The following ZNF497 variants were observed in gnomAD, a reference collection of about 807,000 sequenced individuals.
The protein encoded by ZNF497 is zinc finger-like protein.
For synonymous variants in ZNF497, 422 were observed against 313.7 expected (o/e 1.35, Z -3.65); for missense variants, 930 against 714.0 (o/e 1.30, Z -3.45).
At chr19:58,359,519 TC>T (rs1319113882) in intron 1 of ZNF497, 1 of 452,636 alleles carries the variant, frequency 2.2e-6, no homozygotes, top group Non-Finnish European at 4.5e-6. Flanking sequence ...TACCATCCCT[TC>T]CCCCCGCCTC....
At chr19:58,358,355 G>C (rs777475695) in intron 2 of ZNF497, 134 bp downstream of exon 2, 2 of 1,226,264 alleles carry the variant, frequency 1.6e-6, no homozygotes, top group African/African-American at 3.1e-5. Flanking sequence ...CTGTCCAGCC[G>C]ATCCTTCCCA....
chr19:58,357,977 C>A, intron 2 of ZNF497: 1 of 1,281,854 alleles, frequency 7.8e-7, no homozygotes, highest in South Asian at 1.6e-5. Context: ...TGTGGCACCA[C>A]TCTCCTCTCC....
rs1056224460 is a variant in ZNF497, at chr19:58,359,225, TG to T, written c.-111-641del. On this transcript the variant is annotated intron_variant, in intron 1 of 2. Transcript: ENST00000311044. The stretch of plus-strand genomic sequence containing the variant: ...CAGTTCCAGTGGACTCGGGAAGACC[TG>T]GGGGGCCAGGGCTGATGCCTCACTC... 1.5e-6 allele frequency: 2 copies of T among 1,290,612 alleles called. 1 individual carries two copies. Among genetic ancestry groups the T allele is most frequent in the South Asian group, 2.5e-5 (2 of 81,038 alleles). The allele number at this position is 1,290,612 out of a possible 1,614,324, so 79.9% of individuals were successfully genotyped here.
Position 58,356,533 on chromosome 19 carries a change from C to T in ZNF497, c.1103G>A (p.Ser368Asn). ...HACAQCGKAF[S>N]QRSNLLSHRR... ...GTGGCTCAGTAGGTTGGAGCGCTGGCTGAAGGCCTTGCCGCACTGGGCGCA... is the reference window on the plus strand; with the variant it reads ...GTGGCTCAGTAGGTTGGAGCGCTGGTTGAAGGCCTTGCCGCACTGGGCGCA... The change falls in exon 3 of 3, where the codon AGC becomes AAC. Residue 368 changes from serine to asparagine, a missense_variant. Physicochemically the swap from Ser to Asn is conservative, Grantham distance 46. Transcript: ENST00000311044. 1.3e-6 allele frequency: 2 copies of T among 1,549,756 alleles called. No homozygotes were observed. The highest frequency in any genetic ancestry group is 2.4e-5 in the East Asian group (1 of 41,474).
At chr19:58,359,425 C>T (rs371279629) in intron 1 of ZNF497, 141 of 476,368 alleles carry the variant, frequency 3.0e-4, no homozygotes, top group East Asian at 1.5e-3. Flanking sequence ...GGGGTATCGG[C>T]GTTTCTGGCC....
intron 2 of ZNF497, chr19:58,358,175 T>C: frequency 2.3e-6 from 3 of 1,289,934 alleles, no homozygotes; most frequent in Non-Finnish European, 3.0e-6. Flanking sequence ...ATGGGCAGCA[T>C]GTCCAGGCTG....
chr19:58,357,243 C>G lies in ZNF497; in HGVS notation c.393G>C (p.Glu131Asp). Reference protein sequence around the residue: ...LLQHRRVHTGEKPYTCPECGK... With the variant: ...LLQHRRVHTGDKPYTCPECGK... ...CGCACTCGGGGCACGTGTACGGCTT[C>G]TCGCCTGTGTGCACGCGCCGATGCT... The change falls in exon 3 of 3, where the codon GAG (glutamate) becomes GAC (aspartate). Residue 131 changes from glutamate to aspartate, a missense_variant. Physicochemically the swap from Glu to Asp is conservative, Grantham distance 45. Coordinates refer to ENST00000311044, the MANE Select transcript of ZNF497 (RefSeq NM_198458.3). The G allele has an allele frequency of 6.2e-7, 1 of 1,613,060 alleles. No individual in the cohort carries two copies. The highest frequency in any genetic ancestry group is 2.2e-5 in the East Asian group (1 of 44,868).
rs770236897 is a variant in ZNF497 at position 58,357,666 on chromosome 19, A to T, written c.-14-17T>A. 2.0e-6 allele frequency: 3 copies of T among 1,512,146 alleles called. No individual in the cohort carries two copies. In the Admixed American group the frequency reaches 6.8e-5, roughly 34 times the overall value. 93.7% of individuals were successfully genotyped at this position (1,512,146 alleles called of 1,614,324 possible). A position where few individuals can be genotyped will look rare whatever the true frequency, so the allele number is the denominator to read the frequency against. ...GCCTGTGACCTAAAACAGGAGAGAA[A>T]AGGCAAGTACCTTAGAGAATACAAA... On this transcript the variant is annotated splice_polypyrimidine_tract_variant and intron_variant, in intron 2 of 2. Coordinates refer to ENST00000311044, the MANE Select transcript of ZNF497 (RefSeq NM_198458.3).
At chr19:58,362,172 T>TC (rs2148010732) in intron 1 of ZNF497, among the ~76,000 whole-genome samples, 1 of 151,966 alleles carries the variant, frequency 6.6e-6, no homozygotes, top group Admixed American at 6.5e-5. Context: ...TACTTGTGTC[T>TC]CCCCCACAAC....
chr19:58,357,609 C>T lies in ZNF497; in HGVS notation c.27G>A (p.Leu9=). ...CCTGGCCTTCCTCTGGGGCCACCTG[C>T]AGGGTCCACCCTCTTGGGGACTCCA... MESPRGWT[L]QVAPEEGQVL... is the part of the protein sequence containing the mutation. Residue 9 remains leucine, a synonymous_variant, in exon 3 of 3, where the codon CTG becomes CTA. Coordinates refer to ENST00000311044, the MANE Select transcript of ZNF497 (RefSeq NM_198458.3). 1 of 1,548,190 alleles carries T rather than the reference C, an allele frequency of 6.5e-7. No homozygotes were observed.
At position 58,356,350 on chromosome 19, in the gene ZNF497, A is replaced by T. The variant is rs1005170645; in HGVS notation, c.1286T>A (p.Leu429Gln). The change falls in exon 3 of 3, where the codon CTG becomes CAG. Residue 429 changes from leucine to glutamine, a missense_variant. Physicochemically the swap from Leu to Gln is moderately radical, Grantham distance 113 (BLOSUM62 -2). Coordinates refer to ENST00000311044, the MANE Select transcript of ZNF497 (RefSeq NM_198458.3). ...CGKAFRGSSELRQHQRLHSGE... is the reference protein window; with the variant it reads ...CGKAFRGSSEQRQHQRLHSGE... ...AGAGTGCAGGCGCTGGTGCTGGCGC[A>T]GCTCGGAGCTGCCGCGGAAGGCCTT... 1.9e-6 allele frequency: 3 copies of T among 1,567,188 alleles called. No individual in the cohort carries two copies. The highest frequency in any genetic ancestry group is 1.4e-5 in the African/African-American group (1 of 74,028).
At chr19:58,358,125 C>T in intron 2 of ZNF497, 10 of 1,275,788 alleles carry the variant, frequency 7.8e-6, no homozygotes, top group Non-Finnish European at 1.0e-5. Flanking sequence ...CTCACCCACT[C>T]CACCCTGGCC....
Position 58,356,338 on chromosome 19 carries a change from T to C in ZNF497, c.1298A>G (p.Gln433Arg), listed in dbSNP as rs1379124323. 3.2e-6 allele frequency: 5 copies of C among 1,570,002 alleles called. No homozygotes were observed. In the Admixed American group the frequency reaches 7.5e-5, roughly 23 times the overall value. The change falls in exon 3 of 3, where the codon CAG (glutamine) becomes CGG (arginine). Residue 433 changes from glutamine to arginine, a missense_variant. Transcript: ENST00000311044. ...CGGCCTCTCGCCAGAGTGCAGGCGCTGGTGCTGGCGCAGCTCGGAGCTGCC... is the reference window on the plus strand; with the variant it reads ...CGGCCTCTCGCCAGAGTGCAGGCGCCGGTGCTGGCGCAGCTCGGAGCTGCC... ...FRGSSELRQH[Q>R]RLHSGERPFV...
rs1164735155 is a variant in ZNF497, at chr19:58,356,636, C to A, written c.1000G>T (p.Glu334Ter). The A allele has an allele frequency of 1.0e-5, 16 of 1,545,274 alleles. No homozygotes were observed. Among genetic ancestry groups the A allele is most frequent in the African/African-American group, 1.4e-5 (1 of 72,800 alleles). The change falls in exon 3 of 3, where the codon GAG becomes TAG. Residue 334 changes from glutamate to a stop codon, truncating the protein, a stop_gained. Transcript: ENST00000311044. LOFTEE classifies it low-confidence loss of function (END_TRUNC). ...HTGERPFECA[E>*]CGQAFVMGSY... The stretch of plus-strand genomic sequence containing the variant: ...CCCATGACGAAAGCCTGGCCGCACT[C>A]GGCGCACTCGAAGGGCCGCTCACCA...
At chr19:58,361,487 G>C (rs4801580) in intron 1 of ZNF497, among the ~76,000 whole-genome samples, 134,235 of 152,106 alleles carry the variant, frequency 0.88, 59,386 homozygotes, top group Non-Finnish European at 0.91. Flanking sequence ...CTCCCGAGTA[G>C]CTGGGATTAC....
At chr19:58,358,875 C>T in intron 1 of ZNF497, 2 of 456,610 alleles carry the variant, frequency 4.4e-6, no homozygotes. Flanking sequence ...GGGAAGCACA[C>T]CCAGCCCCCA....
At chr19:58,361,321 C>T (rs905055697) in intron 1 of ZNF497, among the ~76,000 whole-genome samples, 1 of 152,170 alleles carries the variant, frequency 6.6e-6, no homozygotes, top group African/African-American at 2.4e-5. Flanking sequence ...TGGAAATATT[C>T]TGCATCTCAG....
At chr19:58,359,140 C>A (rs1298873162) in intron 1 of ZNF497, 17 of 1,267,916 alleles carry the variant, frequency 1.3e-5, no homozygotes, top group Admixed American at 2.3e-5. Flanking sequence ...CTGCTGCCTT[C>A]TCATAGCAGA....
rs1346954660 is a variant in ZNF497, at chr19:58,357,232, G to A, written c.404C>T (p.Thr135Met). The A allele has an allele frequency of 1.9e-6, 3 of 1,612,892 alleles. No individual in the cohort carries two copies. The highest frequency in any genetic ancestry group is 2.2e-5 in the South Asian group (2 of 91,026). Residue 135 changes from threonine (T) to methionine (M), a missense_variant, in exon 3 of 3, where the codon ACG becomes ATG. Coordinates refer to ENST00000311044, the MANE Select transcript of ZNF497 (RefSeq NM_198458.3). ...GAAGGCCTTGCCGCACTCGGGGCAC[G>A]TGTACGGCTTCTCGCCTGTGTGCAC... ...RRVHTGEKPY[T>M]CPECGKAFAW... is the part of the protein sequence containing the mutation.
Sources: gnomAD v4.1 joint callset for allele counts (sites outside exome capture counted in the v4.1 genomes callset) on GRCh38, gnomAD v4.1.1 for gene constraint, MANE v1.5 for transcripts, NCBI Gene and HGNC (gene_info 2026-07-23, HGNC 2026-07-21) for gene names.